The following ASIC2 variants were observed in gnomAD, a reference collection of about 807,000 sequenced individuals.
The protein encoded by ASIC2 is acid-sensing ion channel 2.
A neutral mutation model predicts 57.3 loss-of-function variants in ASIC2; 25 were observed. The ratio of observed to expected loss-of-function variants is 0.44; its 90% CI spans 0.32 to 0.61. ASIC2 has a LOEUF of 0.61. ASIC2 is among the 20% of genes least tolerant of loss of function. ASIC2 has a pLI of 0.06. For missense variants in ASIC2, 641 were observed against 738.1 expected, an observed-to-expected ratio of 0.87 and a Z score of 1.52; for synonymous variants, 319 against 307.5, an observed-to-expected ratio of 1.04 and a Z score of -0.39.
chr17:33,970,669 C>T (rs575982110), intron 1 of ASIC2, among the ~76,000 whole-genome samples: 1 of 152,350 alleles, frequency 6.6e-6, no homozygotes, highest in South Asian at 2.1e-4. Context: ...GCTAACTCAA[C>T]AAGGAGTTTT....
chr17:33,932,741 A>AAAATATATAT, intron 1 of ASIC2: 1 of 58,710 alleles, frequency 1.7e-5, no homozygotes, highest in African/African-American at 6.8e-5. Flanking sequence ...AAAAAAAAAA[A>AAAATATATAT]ATATATATAT....
chr17:34,139,213 T>C (rs949605995), intron 1 of ASIC2, among the ~76,000 whole-genome samples: 1 of 152,200 alleles, frequency 6.6e-6, no homozygotes, highest in Non-Finnish European at 1.5e-5. Context: ...AAAACTAGCA[T>C]CTCTAGTGAA....
At chr17:33,824,381 T>C (rs1268971785) in intron 1 of ASIC2, among the ~76,000 whole-genome samples, 1 of 152,032 alleles carries the variant, frequency 6.6e-6, no homozygotes, top group African/African-American at 2.4e-5. Flanking sequence ...TGTCTGTGTA[T>C]ATATGTATGT....
At chr17:33,421,654 G>T (rs1005014584) in intron 1 of ASIC2, among the ~76,000 whole-genome samples, 1 of 152,204 alleles carries the variant, frequency 6.6e-6, no homozygotes, top group African/African-American at 2.4e-5. Flanking sequence ...AGGCAAAAGT[G>T]AGGTTTGTTT....
chr17:33,694,377 T>G (rs1474579316), intron 1 of ASIC2, among the ~76,000 whole-genome samples: 4 of 152,224 alleles, frequency 2.6e-5, no homozygotes, highest in Non-Finnish European at 5.9e-5. Flanking sequence ...TAGCATTCTT[T>G]TTCAGCTGCA....
intron 1 of ASIC2, among the ~76,000 whole-genome samples, chr17:33,160,016 C>T (rs1172143408): frequency 1.3e-5 from 2 of 151,924 alleles, no homozygotes; most frequent in Non-Finnish European, 2.9e-5. Context: ...TGAGACCAGC[C>T]TGGGCAACAT....
intron 1 of ASIC2, among the ~76,000 whole-genome samples, chr17:33,185,456 C>T (rs1043022464): frequency 1.3e-5 from 2 of 152,196 alleles, no homozygotes; most frequent in African/African-American, 4.8e-5. Context: ...ACAGGCAGTA[C>T]GGGGCAATGC....
At chr17:33,547,889 A>G (rs1023718702) in intron 1 of ASIC2, among the ~76,000 whole-genome samples, 5 of 152,306 alleles carry the variant, frequency 3.3e-5, no homozygotes, top group African/African-American at 1.2e-4. Flanking sequence ...CTCAATGCCT[A>G]AAAGCAAAAC....
chr17:33,803,646 C>T (rs1403256614), intron 1 of ASIC2, among the ~76,000 whole-genome samples: 3 of 138,346 alleles, frequency 2.2e-5, no homozygotes, highest in African/African-American at 8.2e-5. Context: ...ATCACAAGAA[C>T]GGGAATCTGT....
At chr17:33,164,960 G>A (rs554497696) in intron 1 of ASIC2, among the ~76,000 whole-genome samples, 2 of 151,982 alleles carry the variant, frequency 1.3e-5, no homozygotes, top group Non-Finnish European at 2.9e-5. Flanking sequence ...TTTGATTCAC[G>A]TGCCTCCCTT....
At position 34,038,558 on chromosome 17, in the gene ASIC2, C is replaced by T. The variant is rs953295704; in HGVS notation, c.555+117420G>A. 9 of 1,609,784 alleles carry T rather than the reference C, an allele frequency of 5.6e-6. No homozygotes were observed. The African/African-American group carries it at 1.1e-4, about 19-fold the overall frequency. The stretch of plus-strand genomic sequence containing the variant: ...ACCCAAAAGATGTAACAACAAATAT[C>T]TGTCATTTAGCGTTGGATGATATTT... On this transcript the variant is annotated intron_variant, in intron 1 of 9. Coordinates refer to the ASIC2 transcript ENST00000359872.
chr17:33,365,600 C>G (rs909368147), intron 1 of ASIC2, among the ~76,000 whole-genome samples: 2 of 152,154 alleles, frequency 1.3e-5, no homozygotes, highest in Admixed American at 6.5e-5. Flanking sequence ...AAGAGGTCAT[C>G]CATAAAATGT....
rs1912047990 is a variant in ASIC2, at chr17:33,799,434, CTTTCTTTCTTTCTTTCT to C, written c.555+356527_555+356543del. Among the ~76,000 whole-genome samples the C allele has an allele frequency of 1.3e-4, 4 of 31,172 alleles. No homozygotes were observed. In the South Asian group the frequency reaches 4.5e-3, roughly 35 times the overall value. The allele number at this position is 31,172 out of a possible 152,430, so 20.5% of individuals were successfully genotyped here. A position where few individuals can be genotyped will look rare whatever the true frequency, so the allele number is the denominator to read the frequency against. On this transcript the variant is annotated intron_variant, in intron 1 of 9. Transcript: ENST00000359872. The stretch of plus-strand genomic sequence containing the variant: ...TTCTTTCTTTCTTTCTTTCTTCTTT[CTTTCTTTCTTTCTTTCT>C]TTCTTTCTTTCTTTCTTTCTTTCTT...
chr17:33,155,599 C>T (rs147900830), intron 1 of ASIC2, among the ~76,000 whole-genome samples: 2,250 of 133,302 alleles, frequency 0.017, 16 homozygotes, highest in Non-Finnish European at 0.024. Flanking sequence ...CTAGCTCTGT[C>T]GCCAGGCTGG....
intron 1 of ASIC2, among the ~76,000 whole-genome samples, chr17:33,199,826 T>C (rs1297876544): frequency 1.3e-5 from 2 of 152,152 alleles, no homozygotes; most frequent in Non-Finnish European, 2.9e-5. Context: ...ATTGTTAATA[T>C]AGCGAACTTG....
intron 1 of ASIC2, among the ~76,000 whole-genome samples, chr17:33,870,479 G>A (rs889846792): frequency 3.3e-5 from 5 of 151,978 alleles, no homozygotes; most frequent in African/African-American, 9.7e-5. Context: ...GGCATTTAGA[G>A]GGTAGGACAA....
chr17:33,401,925 G>A (rs1026898538), intron 1 of ASIC2, among the ~76,000 whole-genome samples: 4 of 152,182 alleles, frequency 2.6e-5, no homozygotes, highest in Non-Finnish European at 5.9e-5. Context: ...GGGAGCTTCA[G>A]ATATGTTTAA....
At chr17:33,430,959 C>G (rs1911395571) in intron 1 of ASIC2, among the ~76,000 whole-genome samples, 1 of 152,116 alleles carries the variant, frequency 6.6e-6, no homozygotes, top group Non-Finnish European at 1.5e-5. Context: ...TAAATATAAG[C>G]AGGTGAGGAC....
intron 2 of ASIC2, among the ~76,000 whole-genome samples, chr17:33,090,458 A>C (rs2092153047): frequency 6.6e-6 from 1 of 152,190 alleles, no homozygotes; most frequent in African/African-American, 2.4e-5. Context: ...TAAATGGGAG[A>C]TTTATGGGTC....
Sources: allele counts gnomAD v4.1 joint callset (sites outside exome capture counted in the v4.1 genomes callset), GRCh38; gene constraint gnomAD v4.1.1; transcripts MANE v1.5; gene names NCBI Gene and HGNC (gene_info 2026-07-23, HGNC 2026-07-21).